BMERB1: variants seen among roughly 807,000 people sequenced by gnomAD.
The protein encoded by BMERB1 is bMERB domain-containing protein 1.
Under a neutral mutation model 23.6 loss-of-function variants are expected in BMERB1, and 12 were observed. The observed-to-expected ratio is 0.51, with a 90% CI of 0.33 to 0.82. The LOEUF is 0.82. BMERB1 is among the 40% of genes least tolerant of loss of function. BMERB1 has a pLI of 0.03. For missense variants in BMERB1, 247 were observed against 255.4 expected (o/e 0.97, Z 0.22); for synonymous variants, 122 against 96.6 (o/e 1.26, Z -1.54).
intron 1 of BMERB1, among the ~76,000 whole-genome samples, chr16:15,496,544 T>A (rs1019444002): frequency 2.2e-5 from 3 of 136,602 alleles, no homozygotes; most frequent in South Asian, 4.4e-4. Context: ...ACAAGGGAAA[T>A]TTTTTTTTTT....
intron 2 of BMERB1, among the ~76,000 whole-genome samples, chr16:15,563,473 C>T (rs920819426): frequency 6.6e-6 from 1 of 152,012 alleles, no homozygotes; most frequent in African/African-American, 2.4e-5. Flanking sequence ...CCCACCTCGG[C>T]CTCCCAAAGT....
At chr16:15,543,584 G>A (rs1210684055) in intron 2 of BMERB1, among the ~76,000 whole-genome samples, 1 of 152,104 alleles carries the variant, frequency 6.6e-6, no homozygotes, top group East Asian at 1.9e-4. Context: ...ACTTTGGGAG[G>A]TCGAAGCAGG....
intron 2 of BMERB1, among the ~76,000 whole-genome samples, chr16:15,539,405 G>C (rs2052057463): frequency 1.3e-5 from 2 of 152,176 alleles, no homozygotes; most frequent in Non-Finnish European, 2.9e-5. Context: ...TGTGCGGCCT[G>C]GCTCCTAACA....
chr16:15,539,823 C>G (rs1348755881), intron 2 of BMERB1, among the ~76,000 whole-genome samples: 1 of 145,710 alleles, frequency 6.9e-6, no homozygotes, highest in African/African-American at 2.6e-5. Context: ...AGCCTGGTGA[C>G]AGAGCAAGAT....
intron 1 of BMERB1, among the ~76,000 whole-genome samples, chr16:15,497,180 G>A (rs1050494944): frequency 6.6e-6 from 1 of 152,110 alleles, no homozygotes; most frequent in African/African-American, 2.4e-5. Context: ...AAGGAAGGAG[G>A]CTTTACTCAG....
intron 1 of BMERB1, among the ~76,000 whole-genome samples, chr16:15,445,759 AC>A (rs1233848019): frequency 2.0e-5 from 3 of 152,178 alleles, no homozygotes; most frequent in Non-Finnish European, 4.4e-5. Context: ...TAGGACCCAG[AC>A]GGTGCACTTC....
intron 1 of BMERB1, among the ~76,000 whole-genome samples, chr16:15,484,278 CT>C (rs2051349217): frequency 6.6e-6 from 1 of 152,134 alleles, no homozygotes; most frequent in South Asian, 2.1e-4. Context: ...GGCTTAGCAC[CT>C]TGTTATTAGG....
Position 15,585,021 on chromosome 16 carries a change from G to A in BMERB1, c.503-1696G>A, listed in dbSNP as rs886170052. Among the ~76,000 whole-genome samples, 4 of 152,272 alleles carry A rather than the reference G, an allele frequency of 2.6e-5. No homozygotes were observed. In the South Asian group the frequency reaches 8.3e-4, roughly 32 times the overall value. ...GAAGAGGGACTTGAAATCTTGCTGG[G>A]AAGACAAAAACCAAAAGCTGCCACT... On this transcript the variant is annotated intron_variant, in intron 5 of 5. Transcript: ENST00000300006.
At chr16:15,548,655 G>T (rs931604953) in intron 2 of BMERB1, among the ~76,000 whole-genome samples, 6 of 152,148 alleles carry the variant, frequency 3.9e-5, no homozygotes, top group African/African-American at 9.7e-5. Flanking sequence ...CTACTTTGGG[G>T]CATCCAACAG....
intron 2 of BMERB1, among the ~76,000 whole-genome samples, chr16:15,562,592 G>A (rs1479284033): frequency 2.0e-5 from 3 of 152,176 alleles, no homozygotes; most frequent in Non-Finnish European, 4.4e-5. Context: ...TCTGTGCACA[G>A]TAGGATGTTT....
intron 2 of BMERB1, among the ~76,000 whole-genome samples, chr16:15,565,526 C>A (rs1020125953): frequency 3.3e-5 from 5 of 152,166 alleles, no homozygotes; most frequent in African/African-American, 1.2e-4. Context: ...TCAGAGATGA[C>A]AACAATGCCC....
At chr16:15,514,802 CG>C (rs2051725021) in intron 1 of BMERB1, among the ~76,000 whole-genome samples, 2 of 148,662 alleles carry the variant, frequency 1.3e-5, no homozygotes, top group Admixed American at 6.7e-5. Flanking sequence ...AAAACAAGGC[CG>C]GGTGCAGTGG....
intron 1 of BMERB1, among the ~76,000 whole-genome samples, chr16:15,506,972 C>T (rs1437683774): frequency 6.6e-6 from 1 of 152,170 alleles, no homozygotes; most frequent in African/African-American, 2.4e-5. Flanking sequence ...CTCTAAGCCT[C>T]ATTTTATTAA....
Position 15,587,635 on chromosome 16 carries a change from C to G in BMERB1, c.*806C>G, listed in dbSNP as rs1287024160. On this transcript the variant is annotated 3_prime_UTR_variant, in exon 6 of 6. Transcript: ENST00000300006. ...CCCAGAGTAGATGCTGACCTGGGCACTCCACCATTCCGGGGCCACCACAGA... is the reference window on the plus strand; with the variant it reads ...CCCAGAGTAGATGCTGACCTGGGCAGTCCACCATTCCGGGGCCACCACAGA... The G allele has an allele frequency of 1.1e-5, 4 of 374,398 alleles. No homozygotes were observed. In the East Asian group the frequency reaches 2.7e-4, roughly 26 times the overall value. 23.2% of individuals were successfully genotyped at this position (374,398 alleles called of 1,614,324 possible).
chr16:15,513,782 T>C (rs1176163470), intron 1 of BMERB1, among the ~76,000 whole-genome samples: 1 of 152,036 alleles, frequency 6.6e-6, no homozygotes, highest in Non-Finnish European at 1.5e-5. Context: ...TTATCCCAGC[T>C]ACTTGGGAGA....
intron 2 of BMERB1, among the ~76,000 whole-genome samples, chr16:15,561,211 C>T (rs1046542332): frequency 2.0e-5 from 3 of 147,526 alleles, no homozygotes; most frequent in Admixed American, 1.4e-4. Context: ...CCCACCTCAG[C>T]CTTCCAAACT....
intron 2 of BMERB1, among the ~76,000 whole-genome samples, chr16:15,527,331 G>A (rs113658140): frequency 0.018 from 2,714 of 152,262 alleles, 85 homozygotes; most frequent in African/African-American, 0.063. Flanking sequence ...CAGGCCAGGC[G>A]CTGTGGCTCA....
intron 1 of BMERB1, among the ~76,000 whole-genome samples, chr16:15,478,267 C>G (rs941124244): frequency 1.3e-5 from 2 of 152,164 alleles, no homozygotes; most frequent in African/African-American, 4.8e-5. Flanking sequence ...TCAAGCGATT[C>G]TCCTGCCTCA....
At chr16:15,466,883 A>C (rs1291839723) in intron 1 of BMERB1, among the ~76,000 whole-genome samples, 2 of 152,210 alleles carry the variant, frequency 1.3e-5, no homozygotes, top group African/African-American at 2.4e-5. Flanking sequence ...CCCTAGCAAC[A>C]ACAATTAGTT....
Sources: gnomAD v4.1 joint callset for allele counts (sites outside exome capture counted in the v4.1 genomes callset) on GRCh38, gnomAD v4.1.1 for gene constraint, MANE v1.5 for transcripts, NCBI Gene and HGNC (gene_info 2026-07-23, HGNC 2026-07-21) for gene names.